The following KCNK12 variants were observed in gnomAD, a reference collection of about 807,000 sequenced individuals.
The protein encoded by KCNK12 is potassium channel subfamily K member 12.
KCNK12 carries 6 observed loss-of-function variants against 25.3 expected under a neutral mutation model. The ratio of observed to expected loss-of-function variants is 0.24; its 90% confidence interval spans 0.13 to 0.47. KCNK12 has a LOEUF of 0.47. Among genes scored for constraint, KCNK12 ranks in the 20% least tolerant of loss-of-function variants. The probability of loss-of-function intolerance (pLI) is 0.99; values close to 1 mark genes in which losing one functional copy is unlikely to be tolerated. For synonymous variants in KCNK12, 331 were observed against 311.1 expected (o/e 1.06, Z -0.67); for missense variants, 444 against 661.7 (o/e 0.67, Z 3.61).
At chr2:47,553,807 A>G (rs763443656) in intron 1 of KCNK12, among the ~76,000 whole-genome samples, 20 of 152,132 alleles carry the variant, frequency 1.3e-4, no homozygotes, top group Non-Finnish European at 2.6e-4. Flanking sequence ...TTGTTCCTTA[A>G]CTTGCTTAAG....
rs1360618948 is a variant in KCNK12, at chr2:47,512,241, C to T, written c.*8666G>A. The T allele has an allele frequency of 1.0e-5, 16 of 1,589,754 alleles. No individual in the cohort carries two copies. The highest frequency in any genetic ancestry group is 2.2e-5 in the East Asian group (1 of 44,612). On this transcript the variant is annotated 3_prime_UTR_variant, in exon 2 of 2. Coordinates refer to ENST00000327876, the MANE Select transcript of KCNK12 (RefSeq NM_022055.2). The stretch of plus-strand genomic sequence containing the variant: ...TACTCTGCAGATGTTTGCTGAGTAT[C>T]GTTCTTGATGGAAATCCCCGTGGAA...
In KCNK12 at chr2:47,512,295, C is replaced by T. The variant is rs1668421653; in HGVS notation, c.*8612G>A. 1.2e-6 allele frequency: 2 copies of T among 1,612,068 alleles called. No individual in the cohort carries two copies. The highest frequency in any genetic ancestry group is 1.6e-4 in the Middle Eastern group (1 of 6,084). On this transcript the variant is annotated 3_prime_UTR_variant, in exon 2 of 2. Transcript: ENST00000327876. ...CTACATTTTCTCCTCTCTTCTCCTT[C>T]CTTTCAGAACCTCAGAGTGACAGAG...
At position 47,560,433 on chromosome 2, in the gene KCNK12, T is replaced by C. The variant is rs1243489838; in HGVS notation, c.391+9508A>G. Reference sequence around the variant, plus strand: ...AAATCCCAGAGTCCCCAAACTGTGCTTCAGCTCTCACTGATGCCTCCTCAT... The same window carrying C: ...AAATCCCAGAGTCCCCAAACTGTGCCTCAGCTCTCACTGATGCCTCCTCAT... On this transcript the variant is annotated intron_variant, in intron 1 of 1. Coordinates refer to ENST00000327876, the MANE Select transcript of KCNK12 (RefSeq NM_022055.2). The surrounding 1 kb of genome is among the most constrained non-coding windows in gnomAD (Gnocchi z 4.7). 6.6e-6 allele frequency among the ~76,000 whole-genome samples: 1 copy of C among 152,182 alleles called. No individual in the cohort carries two copies. The highest frequency in any genetic ancestry group is 2.4e-5 in the African/African-American group (1 of 41,436).
intron 1 of KCNK12, among the ~76,000 whole-genome samples, chr2:47,552,343 C>T (rs988312717): frequency 6.6e-6 from 1 of 152,136 alleles, no homozygotes. Flanking sequence ...CTGAGCCCAG[C>T]TTTGGAGGAG....
In KCNK12 at chr2:47,547,860, A is replaced by G. The variant is rs373419302; in HGVS notation, c.391+22081T>C. On this transcript the variant is annotated intron_variant, in intron 1 of 1. Coordinates refer to ENST00000327876, the MANE Select transcript of KCNK12 (RefSeq NM_022055.2). The surrounding 1 kb of genome is among the most constrained non-coding windows in gnomAD (Gnocchi z 5.0). Reference sequence around the variant, plus strand: ...AAGTGGTTCTCACTCCTGGCTACATATTAGAGTTGATATGGTTTGGATTTG... The same window carrying G: ...AAGTGGTTCTCACTCCTGGCTACATGTTAGAGTTGATATGGTTTGGATTTG... 4.6e-5 allele frequency among the ~76,000 whole-genome samples: 7 copies of G among 152,266 alleles called. No homozygotes were observed. In the East Asian group the frequency reaches 1.2e-3, roughly 25 times the overall value.
At chr2:47,539,090 C>T (rs1669138482) in intron 1 of KCNK12, among the ~76,000 whole-genome samples, 1 of 152,120 alleles carries the variant, frequency 6.6e-6, no homozygotes, top group Admixed American at 6.5e-5. Flanking sequence ...AATTTTTTGT[C>T]TTATTTAATG....
chr2:47,526,357 G>C (rs1407733590), intron 1 of KCNK12, among the ~76,000 whole-genome samples: 1 of 148,128 alleles, frequency 6.8e-6, no homozygotes, highest in East Asian at 2.1e-4. Context: ...AGTGAGCCGA[G>C]ATTGCGCCAC....
chr2:47,542,380 T>C (rs1394894749), intron 1 of KCNK12, among the ~76,000 whole-genome samples: 1 of 152,224 alleles, frequency 6.6e-6, no homozygotes, highest in African/African-American at 2.4e-5. Flanking sequence ...TGAGATTCAG[T>C]GCAACACTAG....
rs767537874 is a variant in KCNK12, at chr2:47,517,636, G to A, written c.*3271C>T. 9 of 152,294 alleles carry A rather than the reference G, an allele frequency of 5.9e-5. No individual in the cohort carries two copies. Among genetic ancestry groups the A allele is most frequent in the Admixed American group, 2.0e-4 (3 of 15,296 alleles). The allele number at this position is 152,294 out of a possible 1,614,324, so 9.4% of individuals were successfully genotyped here. On this transcript the variant is annotated 3_prime_UTR_variant, in exon 2 of 2. Transcript: ENST00000327876. The surrounding 1 kb of genome is among the most constrained non-coding windows in gnomAD (Gnocchi z 4.1). ...TGATGCTGTGCAAATGCCCAGGGCT[G>A]TCTGGCATTTTCCACAAAATGAGAG... is the stretch of plus-strand genomic sequence containing the variant.
intron 1 of KCNK12, among the ~76,000 whole-genome samples, chr2:47,559,273 C>T (rs1486078986): frequency 6.6e-6 from 1 of 152,194 alleles, no homozygotes; most frequent in African/African-American, 2.4e-5. Context: ...ACTGAGAGAG[C>T]ATTAAAGCAA....
At chr2:47,549,466 A>T (rs532981077) in intron 1 of KCNK12, among the ~76,000 whole-genome samples, 5 of 152,362 alleles carry the variant, frequency 3.3e-5, no homozygotes, top group African/African-American at 9.6e-5. Flanking sequence ...TGACCCAGAA[A>T]TAAGAGAAAA....
chr2:47,537,954 G>A (rs1669111618), intron 1 of KCNK12, among the ~76,000 whole-genome samples: 1 of 152,202 alleles, frequency 6.6e-6, no homozygotes, highest in Non-Finnish European at 1.5e-5. Context: ...CACAAGGTCT[G>A]CAAGGTCCAG....
At chr2:47,558,817 G>A (rs1669602411) in intron 1 of KCNK12, among the ~76,000 whole-genome samples, 1 of 152,262 alleles carries the variant, frequency 6.6e-6, no homozygotes, top group Admixed American at 6.5e-5. Context: ...TTGTGATGGT[G>A]CTGGGCCGTG....
At chr2:47,543,573 T>G (rs1057419153) in intron 1 of KCNK12, 1 of 152,260 alleles carries the variant, frequency 6.6e-6, no homozygotes, top group African/African-American at 2.4e-5. Flanking sequence ...TCTGCTGTAT[T>G]GCTGGGTGCT....
chr2:47,521,303 G>C lies in KCNK12; in HGVS notation c.897C>G (p.Ser299=). 1 of 1,613,192 alleles carries C rather than the reference G, an allele frequency of 6.2e-7. No individual in the cohort carries two copies. Among genetic ancestry groups the C allele is most frequent in the Non-Finnish European group, 8.5e-7 (1 of 1,179,794 alleles). Residue 299 remains serine, a synonymous_variant, in exon 2 of 2, where the codon TCC becomes TCG. Transcript: ENST00000327876. ...AGTTGAGCACCTGCTTGATGAGGAT[G>C]GAGATGACGTTGAAGAGCGAGTAAA... ...CCIYSLFNVI[S]ILIKQVLNWM...
chr2:47,519,185 T>C lies in KCNK12; in HGVS notation c.*1722A>G, dbSNP rs1282821627. ...AACTCAAATCAGAAATTACCCAAAA[T>C]AGCTGGAGAGTCACTGAGATCTCAG... On this transcript the variant is annotated 3_prime_UTR_variant, in exon 2 of 2. Transcript: ENST00000327876. The C allele has an allele frequency of 6.6e-6, 1 of 152,212 alleles. No individual in the cohort carries two copies. The highest frequency in any genetic ancestry group is 1.5e-5 in the Non-Finnish European group (1 of 68,034). The allele number at this position is 152,212 out of a possible 1,614,324, so 9.4% of individuals were successfully genotyped here.
In KCNK12 at chr2:47,547,800, G is replaced by T. The variant is rs565281316; in HGVS notation, c.391+22141C>A. Among the ~76,000 whole-genome samples the T allele has an allele frequency of 1.8e-4, 28 of 152,130 alleles. No individual in the cohort carries two copies. The highest frequency in any genetic ancestry group is 1.6e-4 in the Non-Finnish European group (11 of 68,026). On this transcript the variant is annotated intron_variant, in intron 1 of 1. Coordinates refer to ENST00000327876, the MANE Select transcript of KCNK12 (RefSeq NM_022055.2). This position sits in a 1 kb window ranked among gnomAD's most constrained non-coding sequence, Gnocchi z 5.0. Reference sequence around the variant, plus strand: ...TTTAGTAGAGAGGGGGTTTCACCGTGTTGGCCAGGCTGGTCTCGAACTCCT... The same window carrying T: ...TTTAGTAGAGAGGGGGTTTCACCGTTTTGGCCAGGCTGGTCTCGAACTCCT...
In KCNK12 at chr2:47,562,432, C is replaced by A. The variant is rs532637313; in HGVS notation, c.391+7509G>T. 2 of 281,070 alleles carry A rather than the reference C, an allele frequency of 7.1e-6. No individual in the cohort carries two copies. Among genetic ancestry groups the A allele is most frequent in the East Asian group, 1.0e-4 (2 of 19,182 alleles). The allele number at this position is 281,070 out of a possible 1,614,324, so 17.4% of individuals were successfully genotyped here. On this transcript the variant is annotated intron_variant, in intron 1 of 1. Transcript: ENST00000327876. The surrounding 1 kb of genome is among the most constrained non-coding windows in gnomAD (Gnocchi z 4.8). Reference sequence around the variant, plus strand: ...CTCAATTTTTCTAAGGGCCCAGGCACACCAGTTACCACTGACCTGCTAGTA... The same window carrying A: ...CTCAATTTTTCTAAGGGCCCAGGCAAACCAGTTACCACTGACCTGCTAGTA...
At chr2:47,532,250 C>G (rs1463091423) in intron 1 of KCNK12, among the ~76,000 whole-genome samples, 1 of 151,610 alleles carries the variant, frequency 6.6e-6, no homozygotes, top group Non-Finnish European at 1.5e-5. Context: ...CCCTGGGGAG[C>G]ACTGCAGTAG....
Sources: allele counts gnomAD v4.1 joint callset (sites outside exome capture counted in the v4.1 genomes callset), GRCh38; gene constraint gnomAD v4.1.1; non-coding constraint Gnocchi (gnomAD v3.1); transcripts MANE v1.5; gene names NCBI Gene and HGNC (gene_info 2026-07-23, HGNC 2026-07-21).